The following ZNF143 variants were observed in gnomAD, a reference collection of about 807,000 sequenced individuals.
ZNF143 encodes the protein zinc finger protein 143, also known as SPH-binding factor.
Under a neutral mutation model 74.1 loss-of-function variants are expected in ZNF143, and 49 were observed. That is an observed-to-expected ratio of 0.66 (90% CI 0.53 to 0.84). ZNF143 has a LOEUF of 0.84. Among genes scored for constraint, ZNF143 ranks in the 40% least tolerant of loss-of-function variants. The pLI is 0.00. For missense variants in ZNF143, 637 were observed against 793.4 expected, an observed-to-expected ratio of 0.80 and a Z score of 2.37; for synonymous variants, 304 against 282.8, an observed-to-expected ratio of 1.07 and a Z score of -0.75.
intron 7 of ZNF143, among the ~76,000 whole-genome samples, chr11:9,485,615 T>A (rs1442356383): frequency 3.3e-5 from 5 of 151,472 alleles, no homozygotes; most frequent in Non-Finnish European, 1.5e-5. Context: ...CCAAAGATTA[T>A]AGGCAGGAGC....
intron 1 of ZNF143, among the ~76,000 whole-genome samples, chr11:9,464,783 C>T (rs1222107182): frequency 1.3e-5 from 2 of 151,018 alleles, no homozygotes; most frequent in African/African-American, 4.9e-5. Context: ...ATTAGCTGGG[C>T]ATGGTGGCGG....
At chr11:9,497,332 C>T (rs1412143463) in intron 9 of ZNF143, among the ~76,000 whole-genome samples, 4 of 152,064 alleles carry the variant, frequency 2.6e-5, no homozygotes, top group South Asian at 2.1e-4. Flanking sequence ...AGGGTTCAAG[C>T]GATTCTCCTG....
intron 14 of ZNF143, among the ~76,000 whole-genome samples, chr11:9,521,030 A>C (rs532851306): frequency 6.6e-6 from 1 of 152,314 alleles, no homozygotes; most frequent in Admixed American, 6.5e-5. Flanking sequence ...CAAAATTGAG[A>C]GGTAGGTACA....
rs748185180 is a variant in ZNF143, at chr11:9,512,448, G to C, written c.1376G>C (p.Gly459Ala). ...TAAATGATTCATTTGTTTTAAACAG[G>C]TCAAGGTGAAGATGTTCTTAAAGGG... ...EQEAFFEPPP[G>A]QGEDVLKGSQ... The change falls in exon 13 of 16, where the codon GGT (glycine) becomes GCT (alanine). Residue 459 changes from glycine (G) to alanine (A), a missense_variant and splice_region_variant. Physicochemically the swap from Gly to Ala is moderately conservative, Grantham distance 60 (BLOSUM62 0). Coordinates refer to ENST00000396602, the MANE Select transcript of ZNF143 (RefSeq NM_003442.6). The C allele has an allele frequency of 6.2e-7, 1 of 1,613,554 alleles. No homozygotes were observed. The highest frequency in any genetic ancestry group is 8.5e-7 in the Non-Finnish European group (1 of 1,179,616).
At chr11:9,475,665 C>T (rs548736419) in intron 5 of ZNF143, among the ~76,000 whole-genome samples, 1 of 152,172 alleles carries the variant, frequency 6.6e-6, no homozygotes, top group East Asian at 1.9e-4. Context: ...CCGATGCAGG[C>T]GGATCACCTG....
intron 11 of ZNF143, among the ~76,000 whole-genome samples, chr11:9,507,201 G>A (rs1848395907): frequency 6.6e-6 from 1 of 152,174 alleles, no homozygotes; most frequent in African/African-American, 2.4e-5. Flanking sequence ...TGCGAAAGGT[G>A]CAGTTACCCA....
chr11:9,513,591 A>T (rs1344897351), intron 13 of ZNF143, among the ~76,000 whole-genome samples: 1 of 152,200 alleles, frequency 6.6e-6, no homozygotes, highest in Admixed American at 6.5e-5. Flanking sequence ...GTGATTAGGC[A>T]ATTTCTGTCT....
intron 1 of ZNF143, among the ~76,000 whole-genome samples, chr11:9,467,802 C>A (rs768770580): frequency 1.6e-4 from 24 of 149,892 alleles, no homozygotes; most frequent in South Asian, 8.5e-4. Flanking sequence ...TGAGATGGCG[C>A]CACTGCACTC....
chr11:9,527,331 A>G (rs1446415176), intron 15 of ZNF143, among the ~76,000 whole-genome samples, 199 bp from the exon 16 acceptor site: 1 of 152,202 alleles, frequency 6.6e-6, no homozygotes, highest in Non-Finnish European at 1.5e-5. Flanking sequence ...AAAAAAGAAA[A>G]AGAAATTGCA....
intron 14 of ZNF143, among the ~76,000 whole-genome samples, chr11:9,522,095 G>C (rs1334763525): frequency 1.3e-5 from 2 of 149,888 alleles, no homozygotes; most frequent in Non-Finnish European, 3.0e-5. Context: ...GTCAGTGGAA[G>C]GTAAAGCAAT....
In ZNF143 at chr11:9,516,187, T is replaced by C; in HGVS notation, c.1525-14T>C. ...AGAAACATTGACTGCTTTGTAAAAT[T>C]CACTGTATTGCAGGTCAACATATCT... On this transcript the variant is annotated splice_polypyrimidine_tract_variant and intron_variant, in intron 13 of 15. Coordinates refer to ENST00000396602, the MANE Select transcript of ZNF143 (RefSeq NM_003442.6). 2 of 1,612,580 alleles carry C rather than the reference T, an allele frequency of 1.2e-6. No homozygotes were observed. Among genetic ancestry groups the C allele is most frequent in the South Asian group, 2.2e-5 (2 of 90,988 alleles).
At chr11:9,480,225 A>G (rs903844693) in intron 7 of ZNF143, among the ~76,000 whole-genome samples, 5 of 152,186 alleles carry the variant, frequency 3.3e-5, no homozygotes, top group Admixed American at 6.5e-5. Flanking sequence ...CATATCTCCT[A>G]CAATCAAAAA....
chr11:9,503,717 A>T (rs968000989), intron 11 of ZNF143, among the ~76,000 whole-genome samples: 9 of 147,654 alleles, frequency 6.1e-5, no homozygotes, highest in Non-Finnish European at 1.2e-4. Flanking sequence ...ATCTCAGCTC[A>T]CTGCAGCCTC....
intron 11 of ZNF143, among the ~76,000 whole-genome samples, chr11:9,505,395 G>A (rs957241239): frequency 1.3e-5 from 2 of 151,784 alleles, no homozygotes; most frequent in African/African-American, 2.4e-5. Flanking sequence ...TCAGCCTCCC[G>A]AGTAGCTGGG....
chr11:9,505,331 G>A (rs1187889747), intron 11 of ZNF143, among the ~76,000 whole-genome samples: 3 of 140,680 alleles, frequency 2.1e-5, no homozygotes, highest in African/African-American at 5.9e-5. Context: ...GTGCAGTGTC[G>A]TGACCTCAGC....
chr11:9,520,352 G>A (rs1848877449), intron 14 of ZNF143, among the ~76,000 whole-genome samples: 2 of 135,882 alleles, frequency 1.5e-5, no homozygotes, highest in Admixed American at 1.6e-4. Context: ...TTTTTAATTA[G>A]CAAAGCATGG....
intron 5 of ZNF143, among the ~76,000 whole-genome samples, chr11:9,476,999 T>G (rs1351175726): frequency 6.6e-6 from 1 of 151,552 alleles, no homozygotes; most frequent in African/African-American, 2.4e-5. Context: ...CCTGACCTTG[T>G]GATCTGCCCT....
chr11:9,507,574 G>A (rs1425734600), intron 11 of ZNF143, among the ~76,000 whole-genome samples: 2 of 152,094 alleles, frequency 1.3e-5, no homozygotes, highest in Non-Finnish European at 2.9e-5. Context: ...GTCAAATACT[G>A]TGTAAATGAG....
chr11:9,486,350 TATTA>T (rs1353826221), intron 7 of ZNF143, among the ~76,000 whole-genome samples: 6 of 62,706 alleles, frequency 9.6e-5, no homozygotes, highest in African/African-American at 3.3e-4. Context: ...ATTATATATA[TATTA>T]TATATATATT....
Sources: gnomAD v4.1 joint callset for allele counts (sites outside exome capture counted in the v4.1 genomes callset) on GRCh38, gnomAD v4.1.1 for gene constraint, MANE v1.5 for transcripts, NCBI Gene and HGNC (gene_info 2026-07-23, HGNC 2026-07-21) for gene names.